Variants in FAM167A observed in about 807,000 individuals in gnomAD.
FAM167A encodes protein FAM167A.
A neutral mutation model predicts 14.9 loss-of-function variants in FAM167A; 23 were observed. The observed-to-expected ratio is 1.55, with a 90% confidence interval of 1.11 to 2.19. The LOEUF (loss-of-function observed/expected upper bound fraction) is 2.19. Ranked by LOEUF, FAM167A falls within the 30% of genes most tolerant of loss-of-function variation. The pLI, the probability that FAM167A is intolerant of heterozygous loss-of-function variation, is 0.00. For synonymous variants in FAM167A, 174 were observed against 117.7 expected (o/e 1.48, Z -3.10); for missense variants, 401 against 281.5 (o/e 1.42, Z -3.04).
At chr8:11,435,539 C>T (rs985921432) in intron 2 of FAM167A, among the ~76,000 whole-genome samples, 1 of 152,244 alleles carries the variant, frequency 6.6e-6, no homozygotes, top group Non-Finnish European at 1.5e-5. Flanking sequence ...TTACCCAGTA[C>T]CTGTCTCCAC....
intron 1 of FAM167A, chr8:11,446,677 C>T (rs1049890752): frequency 6.6e-6 from 1 of 152,222 alleles, no homozygotes; most frequent in African/African-American, 2.4e-5. Context: ...ATTGGCAGAA[C>T]TAAAATTCAC....
upstream of FAM167A, among the ~76,000 whole-genome samples, chr8:11,471,672 T>G (rs1377846742): frequency 6.6e-6 from 1 of 152,220 alleles, no homozygotes; most frequent in African/African-American, 2.4e-5. Flanking sequence ...GAGGGCTGCC[T>G]GGGCTGGGTT....
chr8:11,421,628 A>T lies in FAM167A; in HGVS notation c.*2745T>A. The T allele has an allele frequency of 5.0e-6, 2 of 398,438 alleles. No individual in the cohort carries two copies. The highest frequency in any genetic ancestry group is 7.1e-5 in the East Asian group (2 of 28,072). The allele number at this position is 398,438 out of a possible 1,614,324, so 24.7% of individuals were successfully genotyped here. On this transcript the variant is annotated 3_prime_UTR_variant, in exon 3 of 3. Transcript: ENST00000284486. ...TATTGCTACAGGGTGTGGGTCTTGAACTCGGTCAGGCATCGTCAAGCCTGC... is the reference window on the plus strand; with the variant it reads ...TATTGCTACAGGGTGTGGGTCTTGATCTCGGTCAGGCATCGTCAAGCCTGC...
At chr8:11,462,339 G>A (rs1052744503) in intron 1 of FAM167A, among the ~76,000 whole-genome samples, 6 of 152,200 alleles carry the variant, frequency 3.9e-5, no homozygotes, top group Admixed American at 3.3e-4. Context: ...CCTAGGCCTA[G>A]GTTCCACATC....
intron 2 of FAM167A, among the ~76,000 whole-genome samples, chr8:11,426,765 A>G (rs2116987939): frequency 6.6e-6 from 1 of 152,328 alleles, no homozygotes; most frequent in South Asian, 2.1e-4. Flanking sequence ...GTCTTTGATC[A>G]ACCGAATACA....
intron 1 of FAM167A, among the ~76,000 whole-genome samples, chr8:11,457,455 G>A (rs1263766483): frequency 6.6e-6 from 1 of 151,954 alleles, no homozygotes; most frequent in Non-Finnish European, 1.5e-5. Context: ...ACAGGATGGA[G>A]CCCAGCGCTC....
chr8:11,453,881 G>A (rs546749343), intron 1 of FAM167A, among the ~76,000 whole-genome samples: 3 of 152,178 alleles, frequency 2.0e-5, no homozygotes, highest in Non-Finnish European at 2.9e-5. Flanking sequence ...AGCAAACCGA[G>A]GTGGCAGCCT....
upstream of FAM167A, among the ~76,000 whole-genome samples, chr8:11,472,445 T>TTC: frequency 6.7e-6 from 1 of 148,616 alleles, no homozygotes; most frequent in East Asian, 1.9e-4. Flanking sequence ...GGGTTTTTTT[T>TTC]TTTTTTTTTT....
Position 11,446,016 on chromosome 8 carries a change from CAAA to C in FAM167A, c.-397-1211_-397-1209del, listed in dbSNP as rs36111790. On this transcript the variant is annotated intron_variant, in intron 1 of 2. Coordinates refer to ENST00000284486, the MANE Select transcript of FAM167A (RefSeq NM_053279.3). ...TGTAAATGCCTAAAAACATCCCGGC[CAAA>C]AAAAAAAAAAAAAAAAAAGGAAGGG... Among the ~76,000 whole-genome samples the C allele has an allele frequency of 2.2e-3, 189 of 84,262 alleles. 1 individual carries two copies. The highest frequency in any genetic ancestry group is 7.1e-3 in the Middle Eastern group (1 of 140). 55.3% of individuals were successfully genotyped at this position (84,262 alleles called of 152,430 possible).
chr8:11,454,760 C>T (rs1028898736), intron 1 of FAM167A, among the ~76,000 whole-genome samples: 13 of 152,158 alleles, frequency 8.5e-5, no homozygotes, highest in South Asian at 6.2e-4. Flanking sequence ...CTTTTCTGCC[C>T]GGGTTTAATC....
chr8:11,458,823 C>T (rs1231544784), intron 1 of FAM167A, among the ~76,000 whole-genome samples: 6 of 152,128 alleles, frequency 3.9e-5, no homozygotes, highest in Admixed American at 3.9e-4. Flanking sequence ...AGAGAGCATC[C>T]TGACATCTTC....
rs1806664149 is a variant in FAM167A, at chr8:11,444,558, TG to T, written c.-148del. 2.1e-6 allele frequency: 3 copies of T among 1,459,896 alleles called. No homozygotes were observed. The South Asian group carries it at 4.3e-5, about 21-fold the overall frequency. 90.4% of individuals were successfully genotyped at this position (1,459,896 alleles called of 1,614,324 possible). ...CGGGACAGGAGCCGGCCTCAGAGGCTGGGTGGCAGGGGAGCTGAGAGGGACC... is the reference window on the plus strand; with the variant it reads ...CGGGACAGGAGCCGGCCTCAGAGGCTGGTGGCAGGGGAGCTGAGAGGGACC... On this transcript the variant is annotated 5_prime_UTR_variant, in exon 2 of 3. Transcript: ENST00000284486.
intron 1 of FAM167A, among the ~76,000 whole-genome samples, chr8:11,452,152 C>T (rs570750715): frequency 6.6e-6 from 1 of 152,296 alleles, no homozygotes; most frequent in East Asian, 1.9e-4. Flanking sequence ...GGTGGATGGT[C>T]ACTGTCCTCC....
At chr8:11,465,805 C>T (rs1327435459) in intron 1 of FAM167A, among the ~76,000 whole-genome samples, 2 of 152,162 alleles carry the variant, frequency 1.3e-5, no homozygotes, top group Non-Finnish European at 2.9e-5. Flanking sequence ...CCAGCAATGA[C>T]GGGGAGTTTG....
chr8:11,440,239 T>G (rs541183338), intron 2 of FAM167A, among the ~76,000 whole-genome samples: 2 of 152,234 alleles, frequency 1.3e-5, no homozygotes, highest in African/African-American at 2.4e-5. Flanking sequence ...GCCACACATC[T>G]CCAGCTCCGC....
chr8:11,473,634 A>G (rs1325366807), intron 1 of FAM167A, among the ~76,000 whole-genome samples: 2 of 152,124 alleles, frequency 1.3e-5, no homozygotes, highest in African/African-American at 4.8e-5. Flanking sequence ...AAGTGTACGC[A>G]GTGCAGGGTG....
At chr8:11,441,163 T>G (rs1222857842) in intron 2 of FAM167A, among the ~76,000 whole-genome samples, 1 of 152,198 alleles carries the variant, frequency 6.6e-6, no homozygotes, top group East Asian at 1.9e-4. Flanking sequence ...GGTGGGATGC[T>G]GTGGGTTTGT....
intron 2 of FAM167A, among the ~76,000 whole-genome samples, chr8:11,433,278 G>C (rs780654761): frequency 3.9e-5 from 6 of 152,094 alleles, no homozygotes; most frequent in Non-Finnish European, 8.8e-5. Flanking sequence ...CTCTATGAAG[G>C]TGTTACCTTT....
At chr8:11,446,212 G>A (rs1174460337) in intron 1 of FAM167A, among the ~76,000 whole-genome samples, 1 of 152,172 alleles carries the variant, frequency 6.6e-6, no homozygotes, top group Non-Finnish European at 1.5e-5. Flanking sequence ...AGACGCTTAA[G>A]AAAGGAGAGC....
Sources: allele counts gnomAD v4.1 joint callset (sites outside exome capture counted in the v4.1 genomes callset), GRCh38; gene constraint gnomAD v4.1.1; transcripts MANE v1.5; gene names NCBI Gene and HGNC (gene_info 2026-07-23, HGNC 2026-07-21).